OLFML2A: variants seen among roughly 807,000 people sequenced by gnomAD.
OLFML2A encodes olfactomedin-like protein 2A.
Under a neutral mutation model 60.9 loss-of-function variants are expected in OLFML2A, and 47 were observed. The observed-to-expected ratio is 0.77, with a 90% confidence interval of 0.61 to 0.98. OLFML2A has a LOEUF of 0.98. Ranked by LOEUF, OLFML2A falls within the 50% of genes least tolerant of loss-of-function variation. The probability of loss-of-function intolerance (pLI) is 0.00; values close to 1 mark genes in which losing one functional copy is unlikely to be tolerated. For synonymous variants in OLFML2A, 372 were observed against 375.0 expected, an observed-to-expected ratio of 0.99 and a Z score of 0.09; for missense variants, 922 against 879.8, an observed-to-expected ratio of 1.05 and a Z score of -0.61.
At position 124,810,142 on chromosome 9, in the gene OLFML2A, G is replaced by A. The variant is rs776796146; in HGVS notation, c.1689G>A (p.Glu563=). The A allele has an allele frequency of 4.0e-5, 64 of 1,613,790 alleles. 1 individual carries two copies. The Middle Eastern group carries it at 6.6e-4, about 17-fold the overall frequency. Reference sequence around the variant, plus strand: ...CCGGCGATCTCTCCGTGCACCGGGAGACCACGTGGAAGACACGGCTGCGGC... The same window carrying A: ...CCGGCGATCTCTCCGTGCACCGGGAAACCACGTGGAAGACACGGCTGCGGC... ...LDPGDLSVHR[E]TTWKTRLRRN... is the part of the protein sequence containing the mutation. Residue 563 remains glutamate, a synonymous_variant, in exon 8 of 8, where the codon GAG becomes GAA. Coordinates refer to ENST00000373580, the MANE Select transcript of OLFML2A (RefSeq NM_182487.4).
intron 3 of OLFML2A, among the ~76,000 whole-genome samples, chr9:124,797,030 G>T (rs1185411534): frequency 2.0e-5 from 3 of 152,092 alleles, no homozygotes; most frequent in East Asian, 1.9e-4. Flanking sequence ...TTGAGACAGG[G>T]TCTCACTCTG....
In OLFML2A at chr9:124,787,252, G is replaced by A. The variant is rs1404008153; in HGVS notation, c.354+14G>A. On this transcript the variant is annotated intron_variant, in intron 2 of 7. Transcript: ENST00000373580. ...GAGCTCCTCAAGGTAGACTTGGTGGGGTGATGGAGGGAGTAAGGGCCTATC... is the reference window on the plus strand; with the variant it reads ...GAGCTCCTCAAGGTAGACTTGGTGGAGTGATGGAGGGAGTAAGGGCCTATC... 3 of 1,611,126 alleles carry A rather than the reference G, an allele frequency of 1.9e-6. No individual in the cohort carries two copies. Among genetic ancestry groups the A allele is most frequent in the Non-Finnish European group, 1.7e-6 (2 of 1,177,594 alleles).
intron 3 of OLFML2A, among the ~76,000 whole-genome samples, chr9:124,796,319 C>T (rs1269427489): frequency 6.6e-6 from 1 of 152,180 alleles, no homozygotes; most frequent in Admixed American, 6.5e-5. Flanking sequence ...ATTTCCTGTG[C>T]AGCTAGTACA....
Position 124,777,388 on chromosome 9 carries a change from C to T in OLFML2A, c.90+28C>T. On this transcript the variant is annotated intron_variant, in intron 1 of 7. Coordinates refer to ENST00000373580, the MANE Select transcript of OLFML2A (RefSeq NM_182487.4). The surrounding 1 kb of genome is among the most constrained non-coding windows in gnomAD (Gnocchi z 6.2). ...ACGCACGCCCCTCGGACCCGCGCGG[C>T]TCGGCGGGTAGCGGGGCGCGAGGGG... is the stretch of plus-strand genomic sequence containing the variant. 2 of 1,233,194 alleles carry T rather than the reference C, an allele frequency of 1.6e-6. No individual in the cohort carries two copies. Among genetic ancestry groups the T allele is most frequent in the Non-Finnish European group, 1.0e-6 (1 of 986,966 alleles). 76.4% of individuals were successfully genotyped at this position (1,233,194 alleles called of 1,614,324 possible). A position where few individuals can be genotyped will look rare whatever the true frequency, so the allele number is the denominator to read the frequency against.
chr9:124,807,775 C>T lies in OLFML2A; in HGVS notation c.1169-6C>T, dbSNP rs566980256. The T allele has an allele frequency of 6.8e-6, 11 of 1,607,166 alleles. No homozygotes were observed. The highest frequency in any genetic ancestry group is 9.3e-6 in the Non-Finnish European group (11 of 1,177,714). On this transcript the variant is annotated splice_region_variant and splice_polypyrimidine_tract_variant and intron_variant, in intron 6 of 7. Coordinates refer to ENST00000373580, the MANE Select transcript of OLFML2A (RefSeq NM_182487.4). ...GTACCGATGCTGCCTGCCCTCCTCCCCACAGGCAGAGAGGCGAGCTGTGAG... is the reference window on the plus strand; with the variant it reads ...GTACCGATGCTGCCTGCCCTCCTCCTCACAGGCAGAGAGGCGAGCTGTGAG...
chr9:124,798,604 C>T (rs1017830721), intron 3 of OLFML2A, among the ~76,000 whole-genome samples: 19 of 150,366 alleles, frequency 1.3e-4, no homozygotes, highest in Admixed American at 5.3e-4. Context: ...GAGGCCAAGG[C>T]GGGCGGATCA....
Position 124,804,086 on chromosome 9 carries a change from C to A in OLFML2A, c.920-8C>A. On this transcript the variant is annotated splice_polypyrimidine_tract_variant and splice_region_variant and intron_variant, in intron 5 of 7. Coordinates refer to ENST00000373580, the MANE Select transcript of OLFML2A (RefSeq NM_182487.4). ...TGAGATTTGAGCACAGGGGTCTTCTCTCTGCAGACAACACCCTCCAGGGCA... is the reference window on the plus strand; with the variant it reads ...TGAGATTTGAGCACAGGGGTCTTCTATCTGCAGACAACACCCTCCAGGGCA... The A allele has an allele frequency of 6.2e-7, 1 of 1,613,678 alleles. No homozygotes were observed.
intron 7 of OLFML2A, among the ~76,000 whole-genome samples, chr9:124,808,373 G>A (rs891125037): frequency 8.0e-4 from 122 of 152,322 alleles, no homozygotes; most frequent in African/African-American, 2.3e-3. Context: ...TTATAGGTGC[G>A]CAGTGTCTCA....
intron 6 of OLFML2A, among the ~76,000 whole-genome samples, chr9:124,807,089 AT>A (rs151131740): frequency 1.6e-3 from 228 of 142,384 alleles, no homozygotes; most frequent in Middle Eastern, 3.8e-3. Context: ...AATTAAAAAA[AT>A]TTTTTTTTTT....
At chr9:124,783,517 TA>T (rs1363729472) in intron 1 of OLFML2A, among the ~76,000 whole-genome samples, 1 of 152,180 alleles carries the variant, frequency 6.6e-6, no homozygotes, top group Non-Finnish European at 1.5e-5. Flanking sequence ...ATGCACTCAA[TA>T]TGTGCTAGGC....
At chr9:124,783,322 A>G (rs547178275) in intron 1 of OLFML2A, among the ~76,000 whole-genome samples, 1 of 152,118 alleles carries the variant, frequency 6.6e-6, no homozygotes, top group Admixed American at 6.5e-5. Flanking sequence ...AAATACAAAA[A>G]TTAGCCGGAC....
chr9:124,808,859 T>C (rs1243901794), intron 7 of OLFML2A, among the ~76,000 whole-genome samples: 1 of 151,808 alleles, frequency 6.6e-6, no homozygotes, highest in African/African-American at 2.4e-5. Flanking sequence ...GAGTCACAAC[T>C]AAAGGCCTGG....
intron 2 of OLFML2A, among the ~76,000 whole-genome samples, chr9:124,793,082 G>C (rs979917299): frequency 6.6e-6 from 1 of 152,236 alleles, no homozygotes; most frequent in Non-Finnish European, 1.5e-5. Context: ...TGGGAAGGTG[G>C]GAGTAAAACT....
chr9:124,798,529 T>G (rs1221257220), intron 3 of OLFML2A, among the ~76,000 whole-genome samples: 3 of 146,914 alleles, frequency 2.0e-5, no homozygotes, highest in Non-Finnish European at 4.5e-5. Context: ...AAAAAAAAAG[T>G]AACCATCAAA....
chr9:124,802,069 C>T (rs770427559), intron 5 of OLFML2A, among the ~76,000 whole-genome samples: 6 of 152,048 alleles, frequency 3.9e-5, no homozygotes, highest in Non-Finnish European at 8.8e-5. Context: ...AGGAGAATAC[C>T]GGGCTCCTGA....
chr9:124,810,428 C>G lies in OLFML2A; in HGVS notation c.*16C>G. ...CGTGGTCTGAGTGGAGACCTGTGCT[C>G]CCCGGAGAGGGGCAGCAGTGCGGGA... On this transcript the variant is annotated 3_prime_UTR_variant, in exon 8 of 8. Coordinates refer to ENST00000373580, the MANE Select transcript of OLFML2A (RefSeq NM_182487.4). The G allele has an allele frequency of 6.3e-7, 1 of 1,581,736 alleles. No individual in the cohort carries two copies. The highest frequency in any genetic ancestry group is 1.3e-5 in the African/African-American group (1 of 74,752).
rs1841274546 is a variant in OLFML2A at position 124,777,295 on chromosome 9, C to T, written c.25C>T (p.Arg9Trp). Residue 9 changes from arginine to tryptophan, a missense_variant, in exon 1 of 8, where the codon CGG (arginine) becomes TGG (tryptophan). By Grantham distance (101) the Arg-to-Trp change is moderately radical. Coordinates refer to ENST00000373580, the MANE Select transcript of OLFML2A (RefSeq NM_182487.4). The surrounding 1 kb of genome is among the most constrained non-coding windows in gnomAD (Gnocchi z 6.2). ...CATGGCCGCTGCCGCCCTCCCGCCCCGGCCGCTGCTCCTTCTGCCGCTAGT... is the reference window on the plus strand; with the variant it reads ...CATGGCCGCTGCCGCCCTCCCGCCCTGGCCGCTGCTCCTTCTGCCGCTAGT... MAAAALPP[R>W]PLLLLPLVLL... 2 of 1,270,870 alleles carry T rather than the reference C, an allele frequency of 1.6e-6. No individual in the cohort carries two copies. Among genetic ancestry groups the T allele is most frequent in the Admixed American group, 6.8e-5 (2 of 29,450 alleles). 78.7% of individuals were successfully genotyped at this position (1,270,870 alleles called of 1,614,324 possible). A position where few individuals can be genotyped will look rare whatever the true frequency, so the allele number is the denominator to read the frequency against.
At chr9:124,788,018 C>T (rs925486163) in intron 2 of OLFML2A, among the ~76,000 whole-genome samples, 10 of 151,824 alleles carry the variant, frequency 6.6e-5, no homozygotes, top group African/African-American at 1.9e-4. Context: ...TAGAAACCTT[C>T]GGCCGGGCAT....
chr9:124,782,006 G>A (rs924662463), intron 1 of OLFML2A, among the ~76,000 whole-genome samples: 1 of 152,220 alleles, frequency 6.6e-6, no homozygotes, highest in Non-Finnish European at 1.5e-5. Context: ...GCATCTGTGT[G>A]TGCTGAGCAA....
Sources: allele counts gnomAD v4.1 joint callset (sites outside exome capture counted in the v4.1 genomes callset), GRCh38; gene constraint gnomAD v4.1.1; non-coding constraint Gnocchi (gnomAD v3.1); transcripts MANE v1.5; gene names NCBI Gene and HGNC (gene_info 2026-07-23, HGNC 2026-07-21).